Variants in GALNT17 observed in about 807,000 individuals in gnomAD.
The protein encoded by GALNT17 is UDP-GalNAc:polypeptide N-acetylgalactosaminyltransferase-like 3.
A neutral mutation model predicts 63.7 loss-of-function variants in GALNT17; 29 were observed. The observed-to-expected ratio is 0.46, with a 90% CI of 0.34 to 0.62. The LOEUF (loss-of-function observed/expected upper bound fraction) is 0.62, where lower values mean the gene tolerates loss of function less well. GALNT17 is among the 20% of genes least tolerant of loss of function. The probability of loss-of-function intolerance (pLI) is 0.01; values close to 1 mark genes in which losing one functional copy is unlikely to be tolerated. For missense variants in GALNT17, 603 were observed against 799.6 expected (o/e 0.75, Z 2.97); for synonymous variants, 305 against 318.3 (o/e 0.96, Z 0.45).
At chr7:71,550,062 A>G (rs1361425498) in intron 5 of GALNT17, among the ~76,000 whole-genome samples, 2 of 151,876 alleles carry the variant, frequency 1.3e-5, no homozygotes, top group Admixed American at 6.6e-5. Flanking sequence ...TCCTGCCCCA[A>G]TTTAAAATTG....
In GALNT17 at chr7:71,712,784, C is replaced by T. The variant is rs1733854498; in HGVS notation, c.*638C>T. The T allele has an allele frequency of 6.5e-6, 1 of 152,778 alleles. No individual in the cohort carries two copies. The highest frequency in any genetic ancestry group is 1.5e-5 in the Non-Finnish European group (1 of 68,546). 9.5% of individuals were successfully genotyped at this position (152,778 alleles called of 1,614,324 possible). A position where few individuals can be genotyped will look rare whatever the true frequency, so the allele number is the denominator to read the frequency against. Reference sequence around the variant, plus strand: ...CCTGATGGAGCTGATGCTTTCTCTCCTAATCCCTGGGCACTAGGCTCTTAT... The same window carrying T: ...CCTGATGGAGCTGATGCTTTCTCTCTTAATCCCTGGGCACTAGGCTCTTAT... On this transcript the variant is annotated 3_prime_UTR_variant, in exon 11 of 11. Transcript: ENST00000333538.
chr7:71,228,707 G>T (rs747992407), intron 1 of GALNT17, among the ~76,000 whole-genome samples: 1 of 152,140 alleles, frequency 6.6e-6, no homozygotes, highest in Non-Finnish European at 1.5e-5. Flanking sequence ...TCTCCTGCAT[G>T]TGTCTATTGA....
intron 1 of GALNT17, among the ~76,000 whole-genome samples, chr7:71,263,232 G>A (rs1052846731): frequency 4.6e-5 from 7 of 151,942 alleles, no homozygotes; most frequent in African/African-American, 1.5e-4. Flanking sequence ...GGTGGCGGGT[G>A]CCTGTAGTCC....
chr7:71,508,684 C>A (rs567189052), intron 5 of GALNT17, among the ~76,000 whole-genome samples: 4 of 152,062 alleles, frequency 2.6e-5, no homozygotes, highest in Non-Finnish European at 5.9e-5. Context: ...AAGTCCCCAG[C>A]CTTCATGCCC....
At chr7:71,670,240 C>A in intron 8 of GALNT17, 131 bp downstream of exon 8, 2 of 1,248,836 alleles carry the variant, frequency 1.6e-6, no homozygotes, top group Non-Finnish European at 2.3e-6. Context: ...GCCCTGATAG[C>A]AAGATTCTCT....
chr7:71,263,662 G>A (rs1030503086), intron 1 of GALNT17, among the ~76,000 whole-genome samples: 1 of 152,106 alleles, frequency 6.6e-6, no homozygotes, highest in Non-Finnish European at 1.5e-5. Context: ...GGTGGCTCAT[G>A]CCTGTAATCC....
chr7:71,175,414 G>A (rs10277269), intron 1 of GALNT17, among the ~76,000 whole-genome samples: 40,211 of 152,042 alleles, frequency 0.26, 9,834 homozygotes, highest in African/African-American at 0.66. Flanking sequence ...TTCTCTATCT[G>A]TATCATCTAT....
intron 5 of GALNT17, among the ~76,000 whole-genome samples, chr7:71,554,226 G>T (rs1166446472): frequency 1.3e-5 from 2 of 152,194 alleles, no homozygotes; most frequent in Non-Finnish European, 2.9e-5. Context: ...GACCCAGTGG[G>T]AGGTAGTTGA....
rs180728664 is a variant in GALNT17 at position 71,420,402 on chromosome 7, C to G, written c.765-506C>G. Among the ~76,000 whole-genome samples the G allele has an allele frequency of 1.0e-3, 159 of 152,236 alleles. 1 individual carries two copies. The highest frequency in any genetic ancestry group is 3.5e-3 in the African/African-American group (147 of 41,510). On this transcript the variant is annotated intron_variant, in intron 4 of 10. Transcript: ENST00000333538. Reference sequence around the variant, plus strand: ...ACTGAAATAATCACACACACACACACAGAGAAGCTAGTGAAATGTGTGTTA... The same window carrying G: ...ACTGAAATAATCACACACACACACAGAGAGAAGCTAGTGAAATGTGTGTTA...
chr7:71,556,941 T>C lies in GALNT17; in HGVS notation c.963-14344T>C, dbSNP rs1789173737. Among the ~76,000 whole-genome samples the C allele has an allele frequency of 5.3e-5, 8 of 152,114 alleles. No individual in the cohort carries two copies. The South Asian group carries it at 1.7e-3, about 32-fold the overall frequency. ...ATTTTTATTTTTAACCTTTTTAAAG[T>C]GACCGGTTCTTTCTCTGTGGCCCAG... On this transcript the variant is annotated intron_variant, in intron 5 of 10. Coordinates refer to ENST00000333538, the MANE Select transcript of GALNT17 (RefSeq NM_022479.3).
At chr7:71,323,101 CATGATA>C (rs1441274183) in intron 1 of GALNT17, among the ~76,000 whole-genome samples, 1 of 151,840 alleles carries the variant, frequency 6.6e-6, no homozygotes, top group Non-Finnish European at 1.5e-5. Context: ...TTGAAAATTA[CATGATA>C]ATGATATGTC....
At chr7:71,478,355 G>A (rs990798482) in intron 5 of GALNT17, among the ~76,000 whole-genome samples, 2 of 151,918 alleles carry the variant, frequency 1.3e-5, no homozygotes, top group African/African-American at 2.4e-5. Context: ...TCTGTTACCC[G>A]AGCTAGAGTG....
At chr7:71,174,257 G>GT (rs1468499391) in intron 1 of GALNT17, among the ~76,000 whole-genome samples, 1 of 152,172 alleles carries the variant, frequency 6.6e-6, no homozygotes, top group East Asian at 1.9e-4. Context: ...TGAGCTGAGT[G>GT]TTGATACCTT....
chr7:71,405,979 T>C (rs1012127), intron 3 of GALNT17, among the ~76,000 whole-genome samples: 118,008 of 152,110 alleles, frequency 0.78, 46,114 homozygotes, highest in African/African-American at 0.84. Flanking sequence ...GAAGGAATTG[T>C]TGTAGGCCAA....
chr7:71,418,535 T>A (rs76321712), intron 4 of GALNT17, among the ~76,000 whole-genome samples: 6,914 of 152,294 alleles, frequency 0.045, 565 homozygotes, highest in African/African-American at 0.16. Flanking sequence ...ACATTCCATC[T>A]TTGTGGCTCA....
chr7:71,454,534 C>A (rs1401708815), intron 5 of GALNT17, among the ~76,000 whole-genome samples: 1 of 152,116 alleles, frequency 6.6e-6, no homozygotes, highest in African/African-American at 2.4e-5. Flanking sequence ...CTTCCCAGGC[C>A]ATTCTGACAG....
intron 6 of GALNT17, among the ~76,000 whole-genome samples, chr7:71,599,919 G>A (rs1327674843): frequency 6.6e-6 from 1 of 151,766 alleles, no homozygotes; most frequent in Non-Finnish European, 1.5e-5. Flanking sequence ...AGGATGTTTA[G>A]CAGCATTTCT....
intron 1 of GALNT17, among the ~76,000 whole-genome samples, chr7:71,212,607 G>T (rs1445332302): frequency 1.3e-5 from 2 of 152,120 alleles, no homozygotes; most frequent in African/African-American, 4.8e-5. Context: ...GCTAGCTTGT[G>T]AAAGCAGCCA....
chr7:71,607,454 G>A (rs573728111), intron 6 of GALNT17, among the ~76,000 whole-genome samples: 46 of 152,266 alleles, frequency 3.0e-4, no homozygotes, highest in African/African-American at 1.1e-3. Flanking sequence ...AGAAAAGTTG[G>A]AAGACAATTT....
Sources: gnomAD v4.1 joint callset for allele counts (sites outside exome capture counted in the v4.1 genomes callset) on GRCh38, gnomAD v4.1.1 for gene constraint, MANE v1.5 for transcripts, NCBI Gene and HGNC (gene_info 2026-07-23, HGNC 2026-07-21) for gene names.